KIR2DL4: variants seen among roughly 807,000 people sequenced by gnomAD.
KIR2DL4 encodes the protein killer cell immunoglobulin-like receptor 2DL4.
Under a neutral mutation model 31.0 loss-of-function variants are expected in KIR2DL4, and 41 were observed. That is an observed-to-expected ratio of 1.32 (90% CI 1.03 to 1.72). KIR2DL4 has a LOEUF of 1.72. KIR2DL4 is among the 40% of genes most tolerant of loss of function. The pLI, the probability that KIR2DL4 is intolerant of heterozygous loss-of-function variation, is 0.00. For missense variants in KIR2DL4, 438 were observed against 353.7 expected (o/e 1.24, Z -1.91); for synonymous variants, 164 against 133.6 (o/e 1.23, Z -1.57).
At position 54,813,750 on chromosome 19, in the gene KIR2DL4, C is replaced by A; in HGVS notation, c.*41+8C>A. The A allele has an allele frequency of 6.2e-7, 1 of 1,611,550 alleles. No individual in the cohort carries two copies. Among genetic ancestry groups the A allele is most frequent in the Admixed American group, 1.7e-5 (1 of 59,862 alleles). On this transcript the variant is annotated splice_region_variant and intron_variant, in intron 7 of 7. Coordinates refer to ENST00000359085, the Ensembl canonical transcript of KIR2DL4. The stretch of plus-strand genomic sequence containing the variant: ...AGAACAGTGAACAGGGAGGTAGGTC[C>A]TCCTAGCCCAGCCTCATGGATACAG...
intron 5 of KIR2DL4, among the ~76,000 whole-genome samples, chr19:54,809,125 C>T (rs1228066582): frequency 1.3e-5 from 2 of 151,232 alleles, no homozygotes; most frequent in Non-Finnish European, 2.9e-5. Context: ...GCAAATCAGA[C>T]ATTCTTCTCA....
rs1302581073 is a variant in KIR2DL4, at chr19:54,811,879, A to T, written c.707-1246A>T. On this transcript the variant is annotated intron_variant, in intron 5 of 7. Coordinates refer to ENST00000359085, the Ensembl canonical transcript of KIR2DL4. ...TTTCCCCCAGACTCTCGGGTGGAAC[A>T]GCAGCCTAATATCTGACTCCCAAGA... Among the ~76,000 whole-genome samples, 347 of 151,450 alleles carry T rather than the reference A, an allele frequency of 2.3e-3. 17 individuals are homozygous for T. Among genetic ancestry groups the T allele is most frequent in the African/African-American group, 8.0e-3 (327 of 41,052 alleles).
At chr19:54,805,780 C>A (rs1340686816) in intron 3 of KIR2DL4, among the ~76,000 whole-genome samples, 171 bp from the exon 4 acceptor site, 1 of 150,980 alleles carries the variant, frequency 6.6e-6, no homozygotes, top group African/African-American at 2.5e-5. Context: ...GATGCCACCA[C>A]CAGGCTGGAA....
chr19:54,804,048 G>C (rs1317740056), intron 2 of KIR2DL4, 122 bp downstream of exon 2: 1 of 919,590 alleles, frequency 1.1e-6, no homozygotes, highest in Non-Finnish European at 1.8e-6. Context: ...GGCCTGGGGG[G>C]AGTCTCTCAT....
chr19:54,811,404 TA>T (rs2060859513), intron 5 of KIR2DL4, among the ~76,000 whole-genome samples: 1 of 150,948 alleles, frequency 6.6e-6, no homozygotes, highest in African/African-American at 2.4e-5. Context: ...TGGCAAAAAA[TA>T]AAAATAAAGA....
chr19:54,812,064 T>C (rs1294059334), intron 5 of KIR2DL4, among the ~76,000 whole-genome samples: 3 of 151,254 alleles, frequency 2.0e-5, no homozygotes, highest in Non-Finnish European at 4.4e-5. Context: ...ATGTAGAAAC[T>C]GTAAAGCACA....
intron 2 of KIR2DL4, 76 bp downstream of exon 2, chr19:54,804,002 A>T: frequency 7.4e-7 from 1 of 1,346,172 alleles, no homozygotes. Context: ...GGAGGGAGGC[A>T]GCACAGAGGG....
exon 5 of KIR2DL4, chr19:54,808,869 C>G: frequency 5.6e-6 from 9 of 1,604,774 alleles, no homozygotes; most frequent in Non-Finnish European, 7.7e-6. Context: ...CCCACTGAAC[C>G]AAGCTTCAAA....
At chr19:54,812,419 T>G (rs1347549249) in intron 5 of KIR2DL4, among the ~76,000 whole-genome samples, 1 of 151,334 alleles carries the variant, frequency 6.6e-6, no homozygotes, top group African/African-American at 2.4e-5. Context: ...CTGCATGATG[T>G]TCTCCTCCAG....
At chr19:54,808,069 A>T (rs1241059036) in intron 4 of KIR2DL4, among the ~76,000 whole-genome samples, 3 of 150,660 alleles carry the variant, frequency 2.0e-5, no homozygotes, top group Non-Finnish European at 4.4e-5. Context: ...GAGGTGTTTG[A>T]GCTTCTTTTA....
chr19:54,806,486 C>A (rs2060538861), intron 4 of KIR2DL4, among the ~76,000 whole-genome samples: 2 of 151,068 alleles, frequency 1.3e-5, no homozygotes, highest in African/African-American at 4.9e-5. Context: ...TCAGGACAGA[C>A]CCAGAGGAGG....
At position 54,810,862 on chromosome 19, in the gene KIR2DL4, C is replaced by A. The variant is rs367812246; in HGVS notation, c.706+1979C>A. On this transcript the variant is annotated intron_variant, in intron 5 of 7. Coordinates refer to ENST00000359085, the Ensembl canonical transcript of KIR2DL4. ...CTAGGAGACTGTGGAAAAGGCAATT[C>A]CCGCCCCCCTGGTGAAATGTGGTGC... Among the ~76,000 whole-genome samples, 400 of 151,380 alleles carry A rather than the reference C, an allele frequency of 2.6e-3. 13 individuals are homozygous for A. The highest frequency in any genetic ancestry group is 8.8e-3 in the African/African-American group (363 of 41,042).
At chr19:54,811,853 CT>C (rs2060884419) in intron 5 of KIR2DL4, among the ~76,000 whole-genome samples, 1 of 151,170 alleles carries the variant, frequency 6.6e-6, no homozygotes, top group Non-Finnish European at 1.5e-5. Context: ...AGGGGGTGGT[CT>C]TTCCCCCAGA....
exon 8 of KIR2DL4, chr19:54,814,084 C>A: frequency 6.2e-7 from 1 of 1,611,896 alleles, no homozygotes; most frequent in South Asian, 1.1e-5. Flanking sequence ...AGCTTGCCAG[C>A]TCTAATGTAC....
intron 5 of KIR2DL4, among the ~76,000 whole-genome samples, chr19:54,811,638 C>G (rs17771961): frequency 0.14 from 20,736 of 151,082 alleles, 1,922 homozygotes; most frequent in Middle Eastern, 0.19. Flanking sequence ...CTGTTCATGG[C>G]ACAAAACTTG....
exon 3 of KIR2DL4, chr19:54,805,061 G>C: frequency 6.2e-7 from 1 of 1,605,836 alleles, no homozygotes; most frequent in Non-Finnish European, 8.5e-7. Flanking sequence ...GCAACCCCCT[G>C]GTGATCATGG....
intron 2 of KIR2DL4, among the ~76,000 whole-genome samples, chr19:54,804,500 T>C (rs1368919325): frequency 2.0e-5 from 3 of 151,060 alleles, no homozygotes; most frequent in Non-Finnish European, 4.4e-5. Flanking sequence ...TAATATTCCA[T>C]TCACAAAGGT....
At chr19:54,814,136 A>G in exon 8 of KIR2DL4, 1 of 1,605,658 alleles carries the variant, frequency 6.2e-7, no homozygotes, top group Non-Finnish European at 8.5e-7. Context: ...ATCTTAGAGC[A>G]TCACTCTTCC....
chr19:54,806,372 T>A, intron 4 of KIR2DL4, 128 bp downstream of exon 4: 1 of 1,099,710 alleles, frequency 9.1e-7, no homozygotes, highest in Non-Finnish European at 1.3e-6. Flanking sequence ...GAGGGTGGGA[T>A]CAGGGCACAG....
Sources: gnomAD v4.1 joint callset for allele counts (sites outside exome capture counted in the v4.1 genomes callset) on GRCh38, gnomAD v4.1.1 for gene constraint, MANE v1.5 for transcripts, NCBI Gene and HGNC (gene_info 2026-07-23, HGNC 2026-07-21) for gene names.